The following MIB1 variants were observed in gnomAD, a reference collection of about 807,000 sequenced individuals.
MIB1 encodes MIB E3 ubiquitin protein ligase 1.
A neutral mutation model predicts 124.5 loss-of-function variants in MIB1; 278 were observed. That is an observed-to-expected ratio of 2.23 (90% CI 2.02 to 2.47). The LOEUF (loss-of-function observed/expected upper bound fraction) is 2.47, where lower values mean the gene tolerates loss of function less well. Among genes scored for constraint, MIB1 ranks in the 30% most tolerant of loss-of-function variants. MIB1 has a pLI of 0.00. For synonymous variants in MIB1, 446 were observed against 429.4 expected (o/e 1.04, Z -0.48); for missense variants, 957 against 1,254.4 (o/e 0.76, Z 3.58).
At chr18:21,736,379 A>G (rs1019026841), upstream of MIB1, among the ~76,000 whole-genome samples, 1 of 152,244 alleles carries the variant, frequency 6.6e-6, no homozygotes, top group African/African-American at 2.4e-5. Context: ...ATCAAAGACG[A>G]AAGGTAGATA....
In MIB1 at chr18:21,765,797, T is replaced by G. The variant is rs2146406652; in HGVS notation, c.255T>G (p.Cys85Trp). ...PTGIKHDGTM[C>W]DTCRQQPIIG... ...GCATCAAGCATGATGGAACCATGTG[T>G]GATACCTGCCGCCAGCAACCAATCA... The change falls in exon 2 of 21, where the codon TGT (cysteine) becomes TGG (tryptophan). Residue 85 changes from cysteine to tryptophan, a missense_variant. Physicochemically the swap from Cys to Trp is radical, Grantham distance 215. Transcript: ENST00000261537. 1 of 1,614,188 alleles carries G rather than the reference T, an allele frequency of 6.2e-7. No individual in the cohort carries two copies. The highest frequency in any genetic ancestry group is 8.5e-7 in the Non-Finnish European group (1 of 1,179,984).
intron 12 of MIB1, among the ~76,000 whole-genome samples, chr18:21,821,222 T>C (rs1231703113): frequency 6.6e-6 from 1 of 152,214 alleles, no homozygotes; most frequent in Admixed American, 6.5e-5. Context: ...CATTTACAAA[T>C]TATCCATTCT....
At chr18:21,835,822 C>CACACACACACAG (rs1568220621) in intron 12 of MIB1, among the ~76,000 whole-genome samples, 4 of 58,568 alleles carry the variant, frequency 6.8e-5, no homozygotes, top group Non-Finnish European at 1.5e-4. Context: ...CACACACACA[C>CACACACACACAG]ACACACACAC....
intron 12 of MIB1, among the ~76,000 whole-genome samples, chr18:21,832,181 A>AAAAACAGGGT (rs1337444141): frequency 1.3e-5 from 2 of 152,156 alleles, no homozygotes; most frequent in Non-Finnish European, 2.9e-5. Context: ...TGCTTTGGTA[A>AAAAACAGGGT]AAAACAGGGT....
chr18:21,820,391 T>C (rs1221440764), intron 12 of MIB1, among the ~76,000 whole-genome samples: 1 of 152,238 alleles, frequency 6.6e-6, no homozygotes, highest in East Asian at 1.9e-4. Context: ...TAATTTTATC[T>C]ATTCTGAACA....
intron 12 of MIB1, among the ~76,000 whole-genome samples, chr18:21,820,158 A>G (rs926637770): frequency 6.6e-5 from 10 of 152,060 alleles, no homozygotes; most frequent in African/African-American, 2.4e-4. Flanking sequence ...TTTGAGAAAG[A>G]CTCCTTTTGG....
chr18:21,765,312 G>T (rs746455760), intron 1 of MIB1, among the ~76,000 whole-genome samples: 31 of 152,252 alleles, frequency 2.0e-4, no homozygotes, highest in Non-Finnish European at 3.5e-4. Flanking sequence ...AATATCTAAG[G>T]GTGGTAAATG....
At chr18:21,759,051 A>G (rs1184439768) in intron 1 of MIB1, among the ~76,000 whole-genome samples, 1 of 152,060 alleles carries the variant, frequency 6.6e-6, no homozygotes, top group African/African-American at 2.4e-5. Context: ...ACATTTGAAC[A>G]CCCTTTGTAG....
At chr18:21,787,270 G>A (rs1469984549) in intron 6 of MIB1, among the ~76,000 whole-genome samples, 2 of 152,164 alleles carry the variant, frequency 1.3e-5, no homozygotes, top group Non-Finnish European at 2.9e-5. Context: ...GGCTATGTGG[G>A]AAGTCTGGTT....
intron 3 of MIB1, among the ~76,000 whole-genome samples, chr18:21,769,203 G>A (rs988012029): frequency 2.0e-5 from 3 of 152,126 alleles, no homozygotes; most frequent in East Asian, 1.9e-4. Context: ...ATAGCATAGC[G>A]GGCTCAGAGT....
chr18:21,810,448 A>G (rs2041759220), intron 10 of MIB1, among the ~76,000 whole-genome samples: 1 of 152,098 alleles, frequency 6.6e-6, no homozygotes, highest in Non-Finnish European at 1.5e-5. Flanking sequence ...ATCTTGAGAA[A>G]GAACAGAAGT....
At chr18:21,827,632 G>C (rs931356963) in intron 12 of MIB1, 2 of 151,964 alleles carry the variant, frequency 1.3e-5, no homozygotes, top group African/African-American at 4.8e-5. Context: ...ATGATCAGAA[G>C]GGCTATGCTT....
At chr18:21,800,265 T>G (rs1163766155) in intron 9 of MIB1, among the ~76,000 whole-genome samples, 1 of 152,098 alleles carries the variant, frequency 6.6e-6, no homozygotes, top group Non-Finnish European at 1.5e-5. Context: ...TTTCCTCATG[T>G]AAACATCATT....
At chr18:21,778,190 G>A (rs1223631903) in intron 5 of MIB1, 21 bp downstream of exon 5, 2 of 1,517,220 alleles carry the variant, frequency 1.3e-6, no homozygotes, top group Non-Finnish European at 1.8e-6. Context: ...AGATTAGAGA[G>A]TATTACTAAA....
intron 1 of MIB1, among the ~76,000 whole-genome samples, chr18:21,734,754 C>T (rs1329967214): frequency 6.6e-6 from 1 of 152,140 alleles, no homozygotes; most frequent in Non-Finnish European, 1.5e-5. Context: ...GCCTCGAACT[C>T]CTGACCTCAA....
upstream of MIB1, among the ~76,000 whole-genome samples, chr18:21,738,536 G>A (rs1041492431): frequency 4.0e-5 from 6 of 151,872 alleles, no homozygotes; most frequent in Non-Finnish European, 8.8e-5. Context: ...GGCTGGGCAC[G>A]GTGGCTCACG....
At chr18:21,730,165 A>C (rs2040761940) in intron 1 of MIB1, among the ~76,000 whole-genome samples, 1 of 152,182 alleles carries the variant, frequency 6.6e-6, no homozygotes, top group South Asian at 2.1e-4. Flanking sequence ...CTCTTTTCAA[A>C]GTCATCAGTG....
chr18:21,836,667 A>G (rs1316027751), intron 12 of MIB1, among the ~76,000 whole-genome samples: 3 of 152,206 alleles, frequency 2.0e-5, no homozygotes, highest in African/African-American at 2.4e-5. Context: ...ATTAATGACA[A>G]GTATTTACAT....
chr18:21,771,826 C>G (rs561118122), intron 3 of MIB1, among the ~76,000 whole-genome samples: 1 of 151,402 alleles, frequency 6.6e-6, no homozygotes, highest in South Asian at 2.1e-4. Flanking sequence ...GAAACCCCAT[C>G]TCTACTTAAA....
Sources: gnomAD v4.1 joint callset for allele counts (sites outside exome capture counted in the v4.1 genomes callset) on GRCh38, gnomAD v4.1.1 for gene constraint, MANE v1.5 for transcripts, NCBI Gene and HGNC (gene_info 2026-07-23, HGNC 2026-07-21) for gene names.